MAP4K4: variants seen among roughly 807,000 people sequenced by gnomAD.
MAP4K4 encodes HPK/GCK-like kinase HGK.
In MAP4K4, 38 loss-of-function variants were observed where a neutral mutation model predicts 189.6. That is an observed-to-expected ratio of 0.20 (90% CI 0.15 to 0.26). MAP4K4 has a LOEUF of 0.26. Ranked by LOEUF, MAP4K4 falls within the 10% of genes least tolerant of loss-of-function variation. The pLI, the probability that MAP4K4 is intolerant of heterozygous loss-of-function variation, is 1.00. For missense variants in MAP4K4, 1,054 were observed against 1,726.9 expected (o/e 0.61, Z 6.91); for synonymous variants, 610 against 624.3 (o/e 0.98, Z 0.34).
chr2:101,891,025 CAG>C, intron 32 of MAP4K4, 139 bp from the exon 33 acceptor site: 1 of 663,838 alleles, frequency 1.5e-6, no homozygotes, highest in Non-Finnish European at 2.7e-6. Flanking sequence ...CACCTGGCCT[CAG>C]AGTTTCTTTT....
At chr2:101,871,387 T>C (rs1243607373) in intron 23 of MAP4K4, 107 bp from the exon 24 acceptor site, 5 of 865,914 alleles carry the variant, frequency 5.8e-6, no homozygotes, top group Non-Finnish European at 8.6e-6. Flanking sequence ...TCCTTGGTAA[T>C]TTAGCAGAGT....
chr2:101,815,530 T>C (rs1178684502), intron 3 of MAP4K4, among the ~76,000 whole-genome samples: 2 of 151,816 alleles, frequency 1.3e-5, no homozygotes, highest in South Asian at 2.1e-4. Flanking sequence ...TTTCCCCCCC[T>C]CTCTCATATG....
chr2:101,823,060 A>G (rs1373803922), intron 3 of MAP4K4, among the ~76,000 whole-genome samples: 1 of 152,192 alleles, frequency 6.6e-6, no homozygotes, highest in Non-Finnish European at 1.5e-5. Flanking sequence ...TATAACAAGG[A>G]ACAGAATGCC....
chr2:101,806,644 C>T (rs2094965741), intron 3 of MAP4K4, among the ~76,000 whole-genome samples: 1 of 152,192 alleles, frequency 6.6e-6, no homozygotes, highest in South Asian at 2.1e-4. Context: ...TCCCAAAGTG[C>T]TGGGATTGCA....
At chr2:101,888,991 T>C (rs1471182230) in intron 32 of MAP4K4, 56 bp downstream of exon 32, 3 of 1,424,574 alleles carry the variant, frequency 2.1e-6, no homozygotes, top group Non-Finnish European at 1.9e-6. Flanking sequence ...TAATGGCTTG[T>C]TTTCCATGGA....
chr2:101,859,436 T>TTA (rs755126353), intron 14 of MAP4K4, among the ~76,000 whole-genome samples: 2 of 152,168 alleles, frequency 1.3e-5, no homozygotes, highest in Non-Finnish European at 2.9e-5. Context: ...GAATTATCTC[T>TTA]TACTCTGTCC....
intron 12 of MAP4K4, among the ~76,000 whole-genome samples, chr2:101,852,608 T>G (rs2097322137): frequency 6.6e-6 from 1 of 152,200 alleles, no homozygotes; most frequent in Non-Finnish European, 1.5e-5. Context: ...TAAGATGTTG[T>G]TTGCTTGCTA....
intron 2 of MAP4K4, among the ~76,000 whole-genome samples, chr2:101,700,088 T>A (rs2037474973): frequency 6.6e-6 from 1 of 152,252 alleles, no homozygotes; most frequent in African/African-American, 2.4e-5. Flanking sequence ...GAGCTTGTTT[T>A]TGACCTGGCT....
chr2:101,704,770 G>T (rs1429350611), intron 2 of MAP4K4, among the ~76,000 whole-genome samples: 1 of 151,268 alleles, frequency 6.6e-6, no homozygotes, highest in East Asian at 1.9e-4. Flanking sequence ...ATATTGGCCA[G>T]GCTGGTCTCG....
At chr2:101,886,985 A>T (rs2098496177) in intron 29 of MAP4K4, 103 bp from the exon 30 acceptor site, 2 of 806,062 alleles carry the variant, frequency 2.5e-6, no homozygotes, top group Non-Finnish European at 3.7e-6. Flanking sequence ...AGATGGCGCC[A>T]CTGCACTCCA....
At chr2:101,740,151 C>CTTTTTTTTTTT (rs71250687) in intron 2 of MAP4K4, among the ~76,000 whole-genome samples, 3 of 87,224 alleles carry the variant, frequency 3.4e-5, no homozygotes, top group East Asian at 3.1e-4. Flanking sequence ...TTTATATCAT[C>CTTTTTTTTTTT]TTTTTTTTTT....
chr2:101,830,292 C>G (rs1382567604), intron 6 of MAP4K4, among the ~76,000 whole-genome samples: 1 of 152,146 alleles, frequency 6.6e-6, no homozygotes, highest in Non-Finnish European at 1.5e-5. Flanking sequence ...ATTGTGACTT[C>G]ATTGTAGTAG....
chr2:101,721,269 G>A (rs1327180161), intron 2 of MAP4K4, among the ~76,000 whole-genome samples: 1 of 152,040 alleles, frequency 6.6e-6, no homozygotes, highest in Non-Finnish European at 1.5e-5. Context: ...ACTTCTGAAT[G>A]GCTTTGGAGA....
intron 2 of MAP4K4, among the ~76,000 whole-genome samples, chr2:101,723,327 C>T (rs185395807): frequency 2.9e-3 from 436 of 152,282 alleles, no homozygotes; most frequent in African/African-American, 9.9e-3. Flanking sequence ...TAAACTAATA[C>T]GCTAGTAACA....
chr2:101,767,368 T>A (rs76882668), intron 2 of MAP4K4, among the ~76,000 whole-genome samples: 2 of 151,854 alleles, frequency 1.3e-5, no homozygotes, highest in African/African-American at 2.4e-5. Flanking sequence ...TTTATTAGAA[T>A]TTTTTTTTAT....
At chr2:101,812,219 C>CT (rs1378622844) in intron 3 of MAP4K4, among the ~76,000 whole-genome samples, 1 of 152,144 alleles carries the variant, frequency 6.6e-6, no homozygotes, top group Non-Finnish European at 1.5e-5. Context: ...AAAACAATTG[C>CT]TTCAAGTTAG....
At chr2:101,831,827 C>T in exon 7 of MAP4K4, 1 of 1,613,026 alleles carries the variant, frequency 6.2e-7, no homozygotes, top group Non-Finnish European at 8.5e-7. Flanking sequence ...GTGATGAGAA[C>T]CCAGATGCCA....
intron 2 of MAP4K4, among the ~76,000 whole-genome samples, chr2:101,750,641 C>T (rs1290722132): frequency 2.6e-5 from 4 of 151,000 alleles, no homozygotes; most frequent in Non-Finnish European, 5.9e-5. Context: ...GCACATGTAC[C>T]CTAAAACTTA....
rs35743081 is a variant in MAP4K4 at position 101,713,595 on chromosome 2, TAAA to T, written c.123+15072_123+15074del. Among the ~76,000 whole-genome samples the T allele has an allele frequency of 1.4e-3, 160 of 117,682 alleles. 1 individual carries two copies. The highest frequency in any genetic ancestry group is 6.5e-3 in the East Asian group (25 of 3,854). 77.2% of individuals were successfully genotyped at this position (117,682 alleles called of 152,430 possible). A position where few individuals can be genotyped will look rare whatever the true frequency, so the allele number is the denominator to read the frequency against. The stretch of plus-strand genomic sequence containing the variant: ...TGGGGTGACAGAGTGAGACCTTGTC[TAAA>T]AAAAAAAAAAAAAATGCTGGGTGCG... On this transcript the variant is annotated intron_variant, in intron 2 of 32. Transcript: ENST00000324219.
Sources: gnomAD v4.1 joint callset for allele counts (sites outside exome capture counted in the v4.1 genomes callset) on GRCh38, gnomAD v4.1.1 for gene constraint, MANE v1.5 for transcripts, NCBI Gene and HGNC (gene_info 2026-07-23, HGNC 2026-07-21) for gene names.